Variants in NMRK2 observed in about 807,000 individuals in gnomAD.
NMRK2 encodes the protein NRK 2.
A neutral mutation model predicts 24.7 loss-of-function variants in NMRK2; 34 were observed. That is an observed-to-expected ratio of 1.37 (90% CI 1.05 to 1.83). The LOEUF is 1.83. NMRK2 is among the 40% of genes most tolerant of loss of function. The pLI is 0.00. For synonymous variants in NMRK2, 145 were observed against 125.6 expected (o/e 1.15, Z -1.03); for missense variants, 341 against 315.0 (o/e 1.08, Z -0.62).
chr19:3,942,194 C>T lies in NMRK2; in HGVS notation c.614C>T (p.Pro205Leu). 1.2e-6 allele frequency: 2 copies of T among 1,613,178 alleles called. No homozygotes were observed. The highest frequency in any genetic ancestry group is 1.7e-6 in the Non-Finnish European group (2 of 1,179,982). The part of the protein sequence containing the change: ...SQESAPSPAR[P>L]ARTQGPGRGC... ...GAATCAGCCCCCTCCCCGGCTCGCC[C>T]AGCCAGGACACAGGGACCCGGACGC... The change falls in exon 8 of 8, where the codon CCA becomes CTA. Residue 205 changes from proline (P) to leucine (L), a missense_variant. Coordinates refer to ENST00000168977, the MANE Select transcript of NMRK2 (RefSeq NM_170678.3).
chr19:3,940,980 G>T, intron 6 of NMRK2, 91 bp from the exon 7 acceptor site: 1 of 823,514 alleles, frequency 1.2e-6, no homozygotes, highest in South Asian at 1.6e-5. Flanking sequence ...TTCTGTCCCT[G>T]ACTATGACAG....
In NMRK2 at chr19:3,942,176, C is replaced by A. The variant is rs751214143; in HGVS notation, c.596C>A (p.Ala199Asp). ...CTGCTGAACCGCTCCCAGGAATCAG[C>A]CCCCTCCCCGGCTCGCCCAGCCAGG... ...NSLLNRSQES[A>D]PSPARPARTQ... The change falls in exon 8 of 8, where the codon GCC becomes GAC. Residue 199 changes from alanine to aspartate, a missense_variant. Ala to Asp is a moderately radical substitution (Grantham distance 126). Transcript: ENST00000168977. 6.2e-7 allele frequency: 1 copy of A among 1,613,260 alleles called. No homozygotes were observed. The highest frequency in any genetic ancestry group is 1.7e-5 in the Admixed American group (1 of 60,008).
At position 3,940,946 on chromosome 19, in the gene NMRK2, A is replaced by T. The variant is rs1297591748; in HGVS notation, c.396-125A>T. The T allele has an allele frequency of 8.0e-6, 5 of 624,864 alleles. No homozygotes were observed. In the Admixed American group the frequency reaches 1.3e-4, roughly 17 times the overall value. The allele number at this position is 624,864 out of a possible 1,614,324, so 38.7% of individuals were successfully genotyped here. On this transcript the variant is annotated intron_variant, in intron 6 of 7. Coordinates refer to ENST00000168977, the MANE Select transcript of NMRK2 (RefSeq NM_170678.3). ...TGGAGCCTCTAGCCCAGGGCTTCTGACCGAGGGTCCCCTTGCTCAGAGGTT... is the reference window on the plus strand; with the variant it reads ...TGGAGCCTCTAGCCCAGGGCTTCTGTCCGAGGGTCCCCTTGCTCAGAGGTT...
At position 3,938,648 on chromosome 19, in the gene NMRK2, C is replaced by G; in HGVS notation, c.212C>G (p.Ala71Gly). The change falls in exon 5 of 8, where the codon GCC (alanine) becomes GGC (glycine). Residue 71 changes from alanine to glycine, a missense_variant. By Grantham distance (60) the Ala-to-Gly change is moderately conservative. Coordinates refer to ENST00000168977, the MANE Select transcript of NMRK2 (RefSeq NM_170678.3). ...GAGGCCATGCTGGACACCGTGCAGG[C>G]CTGGCTGAGCAGCCCGCAGAAGTTT... ...DMEAMLDTVQ[A>G]WLSSPQKFAR... is the part of the protein sequence containing the mutation. 1 of 1,611,222 alleles carries G rather than the reference C, an allele frequency of 6.2e-7. No homozygotes were observed. Among genetic ancestry groups the G allele is most frequent in the Non-Finnish European group, 8.5e-7 (1 of 1,178,586 alleles).
chr19:3,936,509 C>G, intron 2 of NMRK2, 66 bp from the exon 3 acceptor site: 3 of 1,232,538 alleles, frequency 2.4e-6, no homozygotes, highest in Non-Finnish European at 3.3e-6. Context: ...CCTCAGGCCC[C>G]CTTCTGAGCA....
rs1269335341 is a variant in NMRK2 at position 3,938,844 on chromosome 19, G to GTTT, written c.323+87_323+89dup. ...CTTGTTTTTTTTTTTTTTTTTTTTT[G>GTTT]TTTTGTTTTTTTTTTTTTTTGAGAC... On this transcript the variant is annotated intron_variant, in intron 5 of 7. Coordinates refer to ENST00000168977, the MANE Select transcript of NMRK2 (RefSeq NM_170678.3). 8.1e-4 allele frequency: 142 copies of GTTT among 174,534 alleles called. 2 individuals are homozygous for GTTT. The highest frequency in any genetic ancestry group is 7.7e-3 in the South Asian group (48 of 6,270). 10.8% of individuals were successfully genotyped at this position (174,534 alleles called of 1,614,324 possible).
intron 5 of NMRK2, 63 bp downstream of exon 5, chr19:3,938,822 GTTTTTTTTTTTTTT>G: frequency 5.5e-6 from 1 of 180,984 alleles, no homozygotes; most frequent in Middle Eastern, 1.6e-3. Flanking sequence ...GCCATCTCTT[GTTTTTTTTTTTTTT>G]TTTTTTTGTT....
At chr19:3,938,053 G>A (rs1255207939) in intron 4 of NMRK2, among the ~76,000 whole-genome samples, 4 of 111,354 alleles carry the variant, frequency 3.6e-5, no homozygotes, top group Admixed American at 9.6e-5. Flanking sequence ...CCCGTCCACT[G>A]TCCCCCCGGG....
rs751883079 is a variant in NMRK2 at position 3,942,118 on chromosome 19, T to G, written c.538T>G (p.Phe180Val). 9.9e-6 allele frequency: 16 copies of G among 1,613,188 alleles called. No individual in the cohort carries two copies. The highest frequency in any genetic ancestry group is 1.4e-5 in the Non-Finnish European group (16 of 1,179,994). The change falls in exon 8 of 8, where the codon TTC (phenylalanine) becomes GTC (valine). Residue 180 changes from phenylalanine to valine, a missense_variant. Coordinates refer to ENST00000168977, the MANE Select transcript of NMRK2 (RefSeq NM_170678.3). ...LDGMKSREEL[F>V]REVLEDIQNS... ...CGGCATGAAGTCCCGAGAGGAGCTC[T>G]TCCGTGAAGTCCTGGAAGACATTCA...
intron 6 of NMRK2, among the ~76,000 whole-genome samples, chr19:3,940,215 C>T (rs928297565): frequency 1.2e-4 from 18 of 147,254 alleles, no homozygotes; most frequent in Admixed American, 4.8e-4. Context: ...GGCGTAGTGG[C>T]GTGCACCTGT....
rs780267897 is a variant in NMRK2, at chr19:3,942,290, G to A, written c.*17G>A. 1 of 1,583,264 alleles carries A rather than the reference G, an allele frequency of 6.3e-7. No homozygotes were observed. The highest frequency in any genetic ancestry group is 1.1e-5 in the South Asian group (1 of 88,100). On this transcript the variant is annotated 3_prime_UTR_variant, in exon 8 of 8. Coordinates refer to ENST00000168977, the MANE Select transcript of NMRK2 (RefSeq NM_170678.3). ...AGCATGTGAGCGTTTCCCTATGGGG[G>A]TGTCTGTACGTAGGAGAGTGGAGGC...
intron 3 of NMRK2, 42 bp from the exon 4 acceptor site, chr19:3,937,198 G>C: frequency 6.2e-7 from 1 of 1,608,660 alleles, no homozygotes; most frequent in Non-Finnish European, 8.5e-7. Flanking sequence ...GGGTGAGGCA[G>C]GACCGGGCAC....
Position 3,933,758 on chromosome 19 carries a change from G to A in NMRK2, c.26+61G>A, listed in dbSNP as rs111826393. 12 of 1,358,064 alleles carry A rather than the reference G, an allele frequency of 8.8e-6. No homozygotes were observed. In the Admixed American group the frequency reaches 3.6e-4, roughly 40 times the overall value. 84.1% of individuals were successfully genotyped at this position (1,358,064 alleles called of 1,614,324 possible). ...GGCAAAGCCCCCTGTGCGCGCAGAGGGGGAGGCCCGGGAATGAATGGAGGG... is the reference window on the plus strand; with the variant it reads ...GGCAAAGCCCCCTGTGCGCGCAGAGAGGGAGGCCCGGGAATGAATGGAGGG... On this transcript the variant is annotated intron_variant, in intron 2 of 7. Coordinates refer to ENST00000168977, the MANE Select transcript of NMRK2 (RefSeq NM_170678.3).
In NMRK2 at chr19:3,938,595, T is replaced by G; in HGVS notation, c.167-8T>G. 1 of 1,556,264 alleles carries G rather than the reference T, an allele frequency of 6.4e-7. No homozygotes were observed. Among genetic ancestry groups the G allele is most frequent in the Non-Finnish European group, 8.7e-7 (1 of 1,147,674 alleles). On this transcript the variant is annotated splice_region_variant and splice_polypyrimidine_tract_variant and intron_variant, in intron 4 of 7. Transcript: ENST00000168977. ...GCCCTCCTGCAATGCCTGCTCCCCTTTCCCCAGTGCTGGAGTCTCTGGACA... is the reference window on the plus strand; with the variant it reads ...GCCCTCCTGCAATGCCTGCTCCCCTGTCCCCAGTGCTGGAGTCTCTGGACA...
intron 5 of NMRK2, among the ~76,000 whole-genome samples, chr19:3,939,192 C>T (rs1041659869): frequency 6.6e-6 from 1 of 151,738 alleles, no homozygotes; most frequent in Non-Finnish European, 1.5e-5. Flanking sequence ...AGCAGAGCCA[C>T]CACGGGAAGT....
At chr19:3,933,758 G>T (rs111826393) in intron 2 of NMRK2, 61 bp downstream of exon 2, 9 of 1,358,064 alleles carry the variant, frequency 6.6e-6, no homozygotes, top group South Asian at 4.9e-5. Context: ...GCGCGCAGAG[G>T]GGGAGGCCCG....
At chr19:3,936,695 T>G in intron 3 of NMRK2, 30 bp downstream of exon 3, 4 of 1,525,498 alleles carry the variant, frequency 2.6e-6, no homozygotes, top group Non-Finnish European at 3.5e-6. Context: ...GAGGTGGAGC[T>G]GAGAGGGGAT....
chr19:3,942,291 T>C lies in NMRK2; in HGVS notation c.*18T>C, dbSNP rs1182648441. 4 of 1,583,078 alleles carry C rather than the reference T, an allele frequency of 2.5e-6. No individual in the cohort carries two copies. Among genetic ancestry groups the C allele is most frequent in the Middle Eastern group, 1.9e-4 (1 of 5,220 alleles). ...GCATGTGAGCGTTTCCCTATGGGGG[T>C]GTCTGTACGTAGGAGAGTGGAGGCC... On this transcript the variant is annotated 3_prime_UTR_variant, in exon 8 of 8. Transcript: ENST00000168977.
intron 3 of NMRK2, 68 bp from the exon 4 acceptor site, chr19:3,937,172 C>A: frequency 1.3e-6 from 2 of 1,532,492 alleles, no homozygotes; most frequent in South Asian, 1.1e-5. Flanking sequence ...CCCTAAGACT[C>A]CATCACCCAG....
Sources: gnomAD v4.1 joint callset for allele counts (sites outside exome capture counted in the v4.1 genomes callset) on GRCh38, gnomAD v4.1.1 for gene constraint, MANE v1.5 for transcripts, NCBI Gene and HGNC (gene_info 2026-07-23, HGNC 2026-07-21) for gene names.